The following STRBP variants were observed in gnomAD, a reference collection of about 807,000 sequenced individuals.
STRBP encodes spermatid perinuclear RNA-binding protein.
Under a neutral mutation model 80.1 loss-of-function variants are expected in STRBP, and 13 were observed. The observed-to-expected ratio is 0.16, with a 90% CI of 0.11 to 0.26. The LOEUF is 0.26. Ranked by LOEUF, STRBP falls within the 10% of genes least tolerant of loss-of-function variation. The pLI is 1.00. For missense variants in STRBP, 485 were observed against 815.2 expected (o/e 0.59, Z 4.93); for synonymous variants, 284 against 291.2 (o/e 0.98, Z 0.25).
rs543694122 is a variant in STRBP, at chr9:123,224,963, T to C, written c.-165+11867A>G. ...AGTCAAAAACTGGAAATAGCCTATG[T>C]GTCCATCAATAGTACAATGGATAGT... On this transcript the variant is annotated intron_variant, in intron 2 of 18. Transcript: ENST00000348403. Among the ~76,000 whole-genome samples, 4 of 152,354 alleles carry C rather than the reference T, an allele frequency of 2.6e-5. No homozygotes were observed. The East Asian group carries it at 5.8e-4, about 22-fold the overall frequency.
chr9:123,146,594 A>G (rs2036823846), intron 13 of STRBP, among the ~76,000 whole-genome samples: 1 of 149,372 alleles, frequency 6.7e-6, no homozygotes, highest in Non-Finnish European at 1.5e-5. Context: ...AGATACAAAT[A>G]CGAATGATCT....
intron 11 of STRBP, among the ~76,000 whole-genome samples, chr9:123,150,788 C>T (rs1018905052): frequency 2.0e-5 from 3 of 152,020 alleles, no homozygotes; most frequent in African/African-American, 4.8e-5. Context: ...GGCTGGTGAA[C>T]CCCCCACACA....
chr9:123,165,745 G>T (rs2037729541), intron 6 of STRBP, among the ~76,000 whole-genome samples: 1 of 152,094 alleles, frequency 6.6e-6, no homozygotes, highest in Admixed American at 6.6e-5. Context: ...AGACAATAAT[G>T]GGAAGTGGCC....
chr9:123,216,249 C>T (rs1311540489), intron 2 of STRBP, among the ~76,000 whole-genome samples: 1 of 152,154 alleles, frequency 6.6e-6, no homozygotes, highest in African/African-American at 2.4e-5. Flanking sequence ...TATGTTTTAC[C>T]ACTTACCAGC....
chr9:123,201,839 G>A (rs1275512440), intron 2 of STRBP, among the ~76,000 whole-genome samples: 1 of 152,148 alleles, frequency 6.6e-6, no homozygotes, highest in African/African-American at 2.4e-5. Flanking sequence ...GCTGTCAGTG[G>A]TGTACTGAAA....
At chr9:123,147,540 G>C (rs1428682659) in intron 12 of STRBP, among the ~76,000 whole-genome samples, 1 of 151,890 alleles carries the variant, frequency 6.6e-6, no homozygotes, top group Non-Finnish European at 1.5e-5. Flanking sequence ...AGCAGGGCGT[G>C]GTGGCACGCA....
chr9:123,214,141 T>C (rs1384785285), intron 2 of STRBP, among the ~76,000 whole-genome samples: 1 of 133,028 alleles, frequency 7.5e-6, no homozygotes, highest in Non-Finnish European at 1.5e-5. Flanking sequence ...TATATATATA[T>C]GTATACACAC....
At chr9:123,249,314 G>T (rs1000715214) in intron 1 of STRBP, among the ~76,000 whole-genome samples, 1 of 152,148 alleles carries the variant, frequency 6.6e-6, no homozygotes, top group Non-Finnish European at 1.5e-5. Context: ...AGGAGGTCAA[G>T]GCTGCAGTGA....
intron 2 of STRBP, among the ~76,000 whole-genome samples, chr9:123,208,119 T>G (rs536606043): frequency 6.6e-6 from 1 of 151,490 alleles, no homozygotes; most frequent in Non-Finnish European, 1.5e-5. Flanking sequence ...ACTGTAAGTT[T>G]TTTTTTTTTT....
Position 123,124,264 on chromosome 9 carries a change from G to T in STRBP, c.*1333C>A, listed in dbSNP as rs566773709. On this transcript the variant is annotated 3_prime_UTR_variant, in exon 19 of 19. Coordinates refer to ENST00000348403, the MANE Select transcript of STRBP (RefSeq NM_018387.5). ...AAAACAGACATTTTTAAGACATGGT[G>T]CCTTATAAATATTGACAGGGGACCA... The T allele has an allele frequency of 5.1e-6, 5 of 985,276 alleles. No individual in the cohort carries two copies. The South Asian group carries it at 1.9e-4, about 37-fold the overall frequency. The allele number at this position is 985,276 out of a possible 1,614,324, so 61.0% of individuals were successfully genotyped here. A position where few individuals can be genotyped will look rare whatever the true frequency, so the allele number is the denominator to read the frequency against.
At chr9:123,242,460 A>C (rs569408534) in intron 1 of STRBP, among the ~76,000 whole-genome samples, 2 of 152,320 alleles carry the variant, frequency 1.3e-5, no homozygotes, top group Non-Finnish European at 2.9e-5. Context: ...GGAGTTTGAG[A>C]CCAGCCTGGC....
chr9:123,125,187 G>C lies in STRBP; in HGVS notation c.*410C>G, dbSNP rs2035847031. On this transcript the variant is annotated 3_prime_UTR_variant, in exon 19 of 19. Transcript: ENST00000348403. The stretch of plus-strand genomic sequence containing the variant: ...ATACATATCAATCAACTAAGAATCA[G>C]TGACTGCATCAGGAACCAGGCAGTA... The C allele has an allele frequency of 1.0e-6, 1 of 988,252 alleles. No homozygotes were observed. The allele number at this position is 988,252 out of a possible 1,614,324, so 61.2% of individuals were successfully genotyped here.
intron 18 of STRBP, 87 bp downstream of exon 18, chr9:123,128,123 CAATT>C (rs2035969493): frequency 6.8e-7 from 1 of 1,463,918 alleles, no homozygotes; most frequent in Admixed American, 1.7e-5. Flanking sequence ...TGAGATCCTC[CAATT>C]AATTTACAAA....
chr9:123,132,951 A>G lies in STRBP; in HGVS notation c.1791T>C (p.Asn597=). 6.2e-7 allele frequency: 1 copy of G among 1,614,022 alleles called. No homozygotes were observed. The highest frequency in any genetic ancestry group is 8.5e-7 in the Non-Finnish European group (1 of 1,179,924). ...CTTGGACTGCTGCAGACACAGCTGT[A>G]TTCACAACGCCCTTTGCCTGTTAAA... The part of the protein sequence containing the change: ...KIIPQAKGVV[N]TAVSAAVQAV... The change falls in exon 17 of 19, where the codon AAT becomes AAC. Residue 597 remains asparagine, a synonymous_variant. Transcript: ENST00000348403.
chr9:123,154,957 T>C (rs1004832555), intron 11 of STRBP, among the ~76,000 whole-genome samples: 31 of 152,312 alleles, frequency 2.0e-4, no homozygotes, highest in Middle Eastern at 3.4e-3. Flanking sequence ...GTTTTTACGC[T>C]GATGAGAAGC....
chr9:123,197,461 A>G (rs1255681306), intron 2 of STRBP, among the ~76,000 whole-genome samples: 1 of 152,056 alleles, frequency 6.6e-6, no homozygotes, highest in Non-Finnish European at 1.5e-5. Flanking sequence ...AGTGTACACT[A>G]TACCTAATGT....
chr9:123,158,029 G>A lies in STRBP; in HGVS notation c.1028C>T (p.Ser343Leu), dbSNP rs1276641720. The A allele has an allele frequency of 6.2e-7, 1 of 1,609,842 alleles. No individual in the cohort carries two copies. Among genetic ancestry groups the A allele is most frequent in the Non-Finnish European group, 8.5e-7 (1 of 1,178,600 alleles). The change falls in exon 11 of 19, where the codon TCA becomes TTA. Residue 343 changes from serine (S) to leucine (L), a missense_variant. By Grantham distance (145) the Ser-to-Leu change is moderately radical. Coordinates refer to ENST00000348403, the MANE Select transcript of STRBP (RefSeq NM_018387.5). The part of the protein sequence containing the change: ...SSKPFQKYSW[S>L]VTDKEGAGSS... ...ATGCTCACCTTCTTTATCAGTAACT[G>A]ACCAGGAATACTTCTGAAAAGGCTT...
rs183482578 is a variant in STRBP at position 123,146,798 on chromosome 9, G to A, written c.1338+57C>T. On this transcript the variant is annotated intron_variant, in intron 13 of 18. Coordinates refer to ENST00000348403, the MANE Select transcript of STRBP (RefSeq NM_018387.5). Reference sequence around the variant, plus strand: ...ATGATAATTTATTATAGGAAAATAAGCATATTATTTGGAACATAAAATAAG... The same window carrying A: ...ATGATAATTTATTATAGGAAAATAAACATATTATTTGGAACATAAAATAAG... The A allele has an allele frequency of 5.7e-5, 78 of 1,372,028 alleles. No individual in the cohort carries two copies. In the African/African-American group the frequency reaches 1.1e-3, roughly 19 times the overall value. 85.0% of individuals were successfully genotyped at this position (1,372,028 alleles called of 1,614,324 possible). A position where few individuals can be genotyped will look rare whatever the true frequency, so the allele number is the denominator to read the frequency against.
intron 1 of STRBP, among the ~76,000 whole-genome samples, chr9:123,247,965 G>T (rs972163330): frequency 1.3e-5 from 2 of 152,146 alleles, no homozygotes; most frequent in African/African-American, 4.8e-5. Context: ...TAGGCACTTT[G>T]TAAGTTTTTT....
Sources: allele counts gnomAD v4.1 joint callset (sites outside exome capture counted in the v4.1 genomes callset), GRCh38; gene constraint gnomAD v4.1.1; transcripts MANE v1.5; gene names NCBI Gene and HGNC (gene_info 2026-07-23, HGNC 2026-07-21).